The following CELF4 variants were observed in gnomAD, a reference collection of about 807,000 sequenced individuals.
CELF4 encodes CUG-BP- and ETR-3-like factor 4.
CELF4 carries 18 observed loss-of-function variants against 59.9 expected under a neutral mutation model. The ratio of observed to expected loss-of-function variants is 0.30; its 90% CI spans 0.21 to 0.45. The LOEUF (loss-of-function observed/expected upper bound fraction) is 0.45, where lower values mean the gene tolerates loss of function less well. Ranked by LOEUF, CELF4 falls within the 20% of genes least tolerant of loss-of-function variation. The pLI is 1.00. For synonymous variants in CELF4, 261 were observed against 267.1 expected (o/e 0.98, Z 0.22); for missense variants, 456 against 689.0 (o/e 0.66, Z 3.79).
In CELF4 at chr18:37,253,909, C is replaced by A; in HGVS notation, c.1363G>T (p.Ala455Ser). Residue 455 changes from alanine to serine, a missense_variant, in exon 12 of 13, where the codon GCG becomes TCG. Ala to Ser is a moderately conservative substitution (Grantham distance 99, BLOSUM62 1). Around this residue, in one of 7 missense-constraint regions of CELF4, gnomAD observed 256 missense variants for 340.8 expected, o/e 0.75. Transcript: ENST00000420428. This position sits in a 1 kb window ranked among gnomAD's most constrained non-coding sequence, Gnocchi z 4.5. ...TTCATGGCCTGGATGGCGGTCTGCG[C>A]GCTGGCCGGGTTGTCGAAGCTCACG... The part of the protein sequence containing the change: ...GFVSFDNPAS[A>S]QTAIQAMNGF... 1 of 1,607,404 alleles carries A rather than the reference C, an allele frequency of 6.2e-7. No homozygotes were observed. Among genetic ancestry groups the A allele is most frequent in the Non-Finnish European group, 8.5e-7 (1 of 1,177,320 alleles).
intron 2 of CELF4, among the ~76,000 whole-genome samples, chr18:37,362,228 TAGCTCCAGCTCC>T (rs999447455): frequency 1.3e-5 from 2 of 152,052 alleles, no homozygotes; most frequent in Non-Finnish European, 2.9e-5. Context: ...AACCAGTAAT[TAGCTCCAGCTCC>T]AGCTCCAGCT....
At position 37,515,641 on chromosome 18, in the gene CELF4, G is replaced by A. The variant is rs140673041; in HGVS notation, c.287-30034C>T. Among the ~76,000 whole-genome samples the A allele has an allele frequency of 1.1e-4, 17 of 152,332 alleles. No homozygotes were observed. In the East Asian group the frequency reaches 1.9e-3, roughly 17 times the overall value. On this transcript the variant is annotated intron_variant, in intron 1 of 12. Coordinates refer to ENST00000420428, the MANE Select transcript of CELF4 (RefSeq NM_020180.4). ...ACTGGGACACTGAACAGACCCACCC[G>A]AGGGATGGTATCAAGGGTGGCGGTG...
intron 2 of CELF4, among the ~76,000 whole-genome samples, chr18:37,386,510 C>G (rs77644255): frequency 0.019 from 2,945 of 152,158 alleles, 95 homozygotes; most frequent in African/African-American, 0.066. Context: ...GGCGGAGAGC[C>G]GTACTGACTC....
intron 2 of CELF4, among the ~76,000 whole-genome samples, chr18:37,354,193 C>T (rs772834765): frequency 6.6e-6 from 1 of 152,128 alleles, no homozygotes; most frequent in Non-Finnish European, 1.5e-5. Flanking sequence ...GTGCCAGGAG[C>T]TCACTTCCCT....
intron 1 of CELF4, among the ~76,000 whole-genome samples, chr18:37,487,681 C>T (rs1326369530): frequency 6.6e-6 from 1 of 152,194 alleles, no homozygotes; most frequent in Non-Finnish European, 1.5e-5. Flanking sequence ...GAGGTGGCCA[C>T]TGCCTCTGCT....
chr18:37,273,946 G>C, intron 6 of CELF4: 1 of 1,103,672 alleles, frequency 9.1e-7, no homozygotes, highest in Non-Finnish European at 1.1e-6. Flanking sequence ...CCATGGAGTA[G>C]GGGTGGTTTG....
At chr18:37,374,802 G>T (rs1253880440) in intron 2 of CELF4, among the ~76,000 whole-genome samples, 1 of 152,154 alleles carries the variant, frequency 6.6e-6, no homozygotes, top group Non-Finnish European at 1.5e-5. Flanking sequence ...CTTCTTACCG[G>T]CTTCCTACTC....
intron 1 of CELF4, among the ~76,000 whole-genome samples, chr18:37,512,487 TTCC>T (rs568855470): frequency 1.3e-3 from 196 of 150,904 alleles, no homozygotes; most frequent in Non-Finnish European, 2.4e-3. Flanking sequence ...ATGCTTCATT[TTCC>T]TCCTCTTCTT....
intron 3 of CELF4, among the ~76,000 whole-genome samples, chr18:37,304,480 C>G (rs1354059502): frequency 6.6e-6 from 1 of 152,182 alleles, no homozygotes; most frequent in Non-Finnish European, 1.5e-5. Flanking sequence ...TGGAGGTAAC[C>G]TGGGAGGGCT....
At chr18:37,319,107 G>A (rs1455478443) in intron 3 of CELF4, among the ~76,000 whole-genome samples, 10 of 152,204 alleles carry the variant, frequency 6.6e-5, no homozygotes, top group African/African-American at 1.7e-4. Context: ...GACAGCTTCC[G>A]TGTGTCACTG....
intron 2 of CELF4, among the ~76,000 whole-genome samples, chr18:37,360,297 A>C (rs2098681697): frequency 1.3e-5 from 2 of 152,142 alleles, no homozygotes; most frequent in South Asian, 4.1e-4. Context: ...CAGAGACCTG[A>C]GGGCTCTGGG....
At chr18:37,265,070 G>A (rs534399736) in intron 9 of CELF4, among the ~76,000 whole-genome samples, 1 of 148,910 alleles carries the variant, frequency 6.7e-6, no homozygotes, top group African/African-American at 2.4e-5. Flanking sequence ...GCAAGTGTGG[G>A]TGTACGTGTG....
At chr18:37,544,291 G>T (rs879936501) in intron 1 of CELF4, among the ~76,000 whole-genome samples, 1 of 151,990 alleles carries the variant, frequency 6.6e-6, no homozygotes, top group Non-Finnish European at 1.5e-5. Flanking sequence ...GTAAATTCCC[G>T]TTTGCTAGAC....
chr18:37,316,138 G>C (rs1344818513), intron 3 of CELF4, among the ~76,000 whole-genome samples: 1 of 152,132 alleles, frequency 6.6e-6, no homozygotes, highest in East Asian at 1.9e-4. Context: ...ATGGGGTCTT[G>C]GGGTGGGGTG....
At chr18:37,313,063 T>TGA (rs1307812576) in intron 3 of CELF4, among the ~76,000 whole-genome samples, 1 of 152,194 alleles carries the variant, frequency 6.6e-6, no homozygotes, top group Non-Finnish European at 1.5e-5. Context: ...TCTCCGGCTC[T>TGA]GAGGGGCAGA....
At chr18:37,546,736 G>C (rs2099981529) in intron 1 of CELF4, among the ~76,000 whole-genome samples, 1 of 152,204 alleles carries the variant, frequency 6.6e-6, no homozygotes, top group South Asian at 2.1e-4. Context: ...ACAGGATGCA[G>C]TGTAAATACA....
intron 1 of CELF4, among the ~76,000 whole-genome samples, chr18:37,515,580 G>T (rs2099949784): frequency 6.6e-6 from 1 of 152,206 alleles, no homozygotes; most frequent in Non-Finnish European, 1.5e-5. Flanking sequence ...ACGCTGGAGG[G>T]AGACAGGCCT....
At chr18:37,402,559 T>A (rs148914353) in intron 2 of CELF4, among the ~76,000 whole-genome samples, 164 of 152,146 alleles carry the variant, frequency 1.1e-3, no homozygotes, top group African/African-American at 3.6e-3. Context: ...GGAAAGTAGG[T>A]GTGGGGTAGG....
intron 3 of CELF4, among the ~76,000 whole-genome samples, chr18:37,314,718 C>T (rs1256321200): frequency 6.6e-6 from 1 of 152,156 alleles, no homozygotes; most frequent in African/African-American, 2.4e-5. Flanking sequence ...TCCAGCCTCC[C>T]CTGCAGCTTG....
Sources: allele counts gnomAD v4.1 joint callset (sites outside exome capture counted in the v4.1 genomes callset), GRCh38; gene constraint gnomAD v4.1.1; regional missense constraint gnomAD v4.1.1; non-coding constraint Gnocchi (gnomAD v3.1); transcripts MANE v1.5; gene names NCBI Gene and HGNC (gene_info 2026-07-23, HGNC 2026-07-21).